The following NAALADL2 variants were observed in gnomAD, a reference collection of about 807,000 sequenced individuals.
The protein encoded by NAALADL2 is N-acetylated alpha-linked acidic dipeptidase like 2, also known as inactive N-acetylated-alpha-linked acidic dipeptidase-like protein 2.
A neutral mutation model predicts 87.2 loss-of-function variants in NAALADL2; 76 were observed. The observed-to-expected ratio is 0.87, with a 90% CI of 0.72 to 1.05. The LOEUF is 1.05. NAALADL2 is among the 50% of genes least tolerant of loss of function. The probability of loss-of-function intolerance (pLI) is 0.00; values close to 1 mark genes in which losing one functional copy is unlikely to be tolerated. For missense variants in NAALADL2, 1,089 were observed against 945.8 expected, an observed-to-expected ratio of 1.15 and a Z score of -1.99; for synonymous variants, 354 against 331.0, an observed-to-expected ratio of 1.07 and a Z score of -0.75.
At chr3:175,168,058 C>T (rs1412224211) in intron 2 of NAALADL2, among the ~76,000 whole-genome samples, 2 of 151,842 alleles carry the variant, frequency 1.3e-5, no homozygotes, top group Non-Finnish European at 2.9e-5. Context: ...TTTCCCAAAC[C>T]ACGTTTCCAC....
chr3:175,025,266 T>C (rs1035394203), intron 1 of NAALADL2, among the ~76,000 whole-genome samples: 3 of 152,138 alleles, frequency 2.0e-5, no homozygotes, highest in Non-Finnish European at 4.4e-5. Context: ...TTCATGTGTA[T>C]GCATTTTATA....
At chr3:174,941,049 G>A (rs1346123850) in intron 1 of NAALADL2, among the ~76,000 whole-genome samples, 1 of 151,888 alleles carries the variant, frequency 6.6e-6, no homozygotes, top group Admixed American at 6.6e-5. Context: ...TGCTACCTTT[G>A]AGTTTGGTTT....
intron 5 of NAALADL2, among the ~76,000 whole-genome samples, chr3:175,393,812 A>G (rs116648929): frequency 0.01 from 1,588 of 152,328 alleles, 32 homozygotes; most frequent in African/African-American, 0.037. Context: ...CCAACACACT[A>G]TCCATACCCA....
chr3:174,889,464 C>T (rs1560328619), intron 1 of NAALADL2, among the ~76,000 whole-genome samples: 2 of 152,138 alleles, frequency 1.3e-5, no homozygotes, highest in African/African-American at 4.8e-5. Context: ...TGCTTCCTCT[C>T]CTGCTGGACG....
chr3:174,656,736 G>A (rs1724974428), intron 2 of NAALADL2, among the ~76,000 whole-genome samples: 1 of 151,894 alleles, frequency 6.6e-6, no homozygotes, highest in African/African-American at 2.4e-5. Context: ...TCTCTCCTCT[G>A]ACCCCTCCTT....
chr3:174,719,568 C>A (rs1731514576), intron 2 of NAALADL2, among the ~76,000 whole-genome samples: 1 of 152,116 alleles, frequency 6.6e-6, no homozygotes, highest in East Asian at 1.9e-4. Context: ...CACGTATACT[C>A]CCTAATATTA....
chr3:175,012,671 A>G (rs1351563043), intron 1 of NAALADL2, among the ~76,000 whole-genome samples: 1 of 152,098 alleles, frequency 6.6e-6, no homozygotes, highest in Non-Finnish European at 1.5e-5. Context: ...GTGCACAGCC[A>G]TGCCTATGCA....
intron 2 of NAALADL2, among the ~76,000 whole-genome samples, chr3:174,617,037 T>C (rs1720529330): frequency 6.6e-6 from 1 of 151,796 alleles, no homozygotes; most frequent in Non-Finnish European, 1.5e-5. Context: ...ATTTGGAATT[T>C]TTAATTCACT....
chr3:175,016,381 A>G (rs546007760), intron 1 of NAALADL2, among the ~76,000 whole-genome samples: 2 of 151,164 alleles, frequency 1.3e-5, no homozygotes, highest in African/African-American at 4.8e-5. Context: ...TTGACAAGGA[A>G]AGATGCTTAG....
chr3:174,915,732 T>G (rs2108323369), intron 1 of NAALADL2, among the ~76,000 whole-genome samples: 1 of 152,256 alleles, frequency 6.6e-6, no homozygotes, highest in African/African-American at 2.4e-5. Flanking sequence ...TCTTACAGCC[T>G]TGTGGTTAAA....
chr3:174,861,567 A>C (rs995805913), intron 1 of NAALADL2, among the ~76,000 whole-genome samples: 1 of 152,124 alleles, frequency 6.6e-6, no homozygotes, highest in Non-Finnish European at 1.5e-5. Context: ...TAACTATGTT[A>C]AAATAATATG....
At chr3:175,162,513 A>T (rs1408664594) in intron 2 of NAALADL2, among the ~76,000 whole-genome samples, 1 of 152,260 alleles carries the variant, frequency 6.6e-6, no homozygotes, top group South Asian at 2.1e-4. Flanking sequence ...TATTTTCTTC[A>T]GCTTTGATTG....
At chr3:174,811,665 T>C (rs1720228104) in intron 3 of NAALADL2, among the ~76,000 whole-genome samples, 1 of 152,038 alleles carries the variant, frequency 6.6e-6, no homozygotes, top group Non-Finnish European at 1.5e-5. Flanking sequence ...GACTTTTGAG[T>C]TAATGCTAGA....
intron 5 of NAALADL2, among the ~76,000 whole-genome samples, chr3:175,331,466 T>C (rs968480367): frequency 6.6e-6 from 1 of 152,052 alleles, no homozygotes; most frequent in Non-Finnish European, 1.5e-5. Context: ...TGCAAATCAA[T>C]AAACATGATA....
intron 3 of NAALADL2, among the ~76,000 whole-genome samples, chr3:175,249,853 A>G (rs981518257): frequency 2.0e-5 from 3 of 152,086 alleles, no homozygotes; most frequent in Non-Finnish European, 4.4e-5. Context: ...TGAGGTCACA[A>G]GGGTTGGGTC....
chr3:174,876,175 A>G (rs967246073), intron 1 of NAALADL2, among the ~76,000 whole-genome samples: 7 of 152,142 alleles, frequency 4.6e-5, no homozygotes, highest in African/African-American at 1.7e-4. Context: ...ATACAATAAA[A>G]ATCTTCTCTC....
At chr3:174,647,326 T>G (rs1356954428) in intron 2 of NAALADL2, among the ~76,000 whole-genome samples, 1 of 152,156 alleles carries the variant, frequency 6.6e-6, no homozygotes, top group Non-Finnish European at 1.5e-5. Context: ...ACAGAAGTTA[T>G]AAAATCAGAT....
intron 5 of NAALADL2, among the ~76,000 whole-genome samples, chr3:175,422,247 A>G (rs925328284): frequency 6.6e-6 from 1 of 152,122 alleles, no homozygotes; most frequent in Non-Finnish European, 1.5e-5. Flanking sequence ...TGATTTGGAC[A>G]AAAGAAAAAA....
At chr3:174,717,147 C>G (rs1731266119) in intron 2 of NAALADL2, among the ~76,000 whole-genome samples, 1 of 152,086 alleles carries the variant, frequency 6.6e-6, no homozygotes, top group Non-Finnish European at 1.5e-5. Context: ...ATTTTACTTT[C>G]TGAATACTAA....
Sources: gnomAD v4.1 joint callset for allele counts (sites outside exome capture counted in the v4.1 genomes callset) on GRCh38, gnomAD v4.1.1 for gene constraint, MANE v1.5 for transcripts, NCBI Gene and HGNC (gene_info 2026-07-23, HGNC 2026-07-21) for gene names.